Variants in SEMA6D observed in about 807,000 individuals in gnomAD.
SEMA6D encodes the protein semaphorin 6D, also known as semaphorin-6D.
A neutral mutation model predicts 106.6 loss-of-function variants in SEMA6D; 35 were observed. The ratio of observed to expected loss-of-function variants is 0.33; its 90% CI spans 0.25 to 0.44. SEMA6D has a LOEUF of 0.44. Ranked by LOEUF, SEMA6D falls within the 20% of genes least tolerant of loss-of-function variation. The pLI is 1.00. For synonymous variants in SEMA6D, 499 were observed against 487.7 expected (o/e 1.02, Z -0.31); for missense variants, 1,185 against 1,345.9 (o/e 0.88, Z 1.87).
intron 2 of SEMA6D, among the ~76,000 whole-genome samples, chr15:47,434,842 T>C (rs1323350485): frequency 6.6e-6 from 1 of 152,116 alleles, no homozygotes; most frequent in Non-Finnish European, 1.5e-5. Flanking sequence ...ATCAGTGCGT[T>C]CTTTGTAAGA....
chr15:47,548,611 C>T (rs768299600), intron 3 of SEMA6D, among the ~76,000 whole-genome samples: 23 of 152,012 alleles, frequency 1.5e-4, no homozygotes, highest in Admixed American at 5.3e-4. Context: ...ACATTGTGCT[C>T]CATAAAAAAA....
chr15:47,408,846 G>T (rs2040686883), intron 1 of SEMA6D, among the ~76,000 whole-genome samples: 1 of 152,196 alleles, frequency 6.6e-6, no homozygotes, highest in Non-Finnish European at 1.5e-5. Flanking sequence ...CTGTCTTGGG[G>T]AGTAGGTGCT....
chr15:47,263,675 T>G (rs2034182509), intron 1 of SEMA6D, among the ~76,000 whole-genome samples: 1 of 151,848 alleles, frequency 6.6e-6, no homozygotes. Flanking sequence ...CCCGAAGACT[T>G]AATGGTTGAC....
At chr15:47,346,328 G>C (rs1473511134) in intron 1 of SEMA6D, among the ~76,000 whole-genome samples, 1 of 152,122 alleles carries the variant, frequency 6.6e-6, no homozygotes, top group Non-Finnish European at 1.5e-5. Context: ...GGAGACCAAG[G>C]GTTTTTGGCT....
At chr15:47,457,012 G>T (rs1170146083) in intron 2 of SEMA6D, among the ~76,000 whole-genome samples, 1 of 151,942 alleles carries the variant, frequency 6.6e-6, no homozygotes, top group East Asian at 1.9e-4. Flanking sequence ...GGGTGAAACA[G>T]TCTCAAGAGA....
intron 1 of SEMA6D, among the ~76,000 whole-genome samples, chr15:47,752,810 A>G (rs141193685): frequency 7.9e-5 from 12 of 152,062 alleles, no homozygotes; most frequent in African/African-American, 2.9e-4. Context: ...GGAGTTTGAG[A>G]CCAGCCTGGC....
intron 1 of SEMA6D, among the ~76,000 whole-genome samples, chr15:47,364,842 C>A (rs144580886): frequency 0.017 from 2,515 of 151,886 alleles, 63 homozygotes; most frequent in African/African-American, 0.058. Flanking sequence ...GGTCTGTGTG[C>A]TCTGAGCTGT....
intron 4 of SEMA6D, among the ~76,000 whole-genome samples, chr15:47,626,724 CTT>C (rs544686304): frequency 3.8e-4 from 58 of 152,130 alleles, no homozygotes; most frequent in African/African-American, 1.4e-3. Flanking sequence ...ATTCTGTACT[CTT>C]TTAATTTTGA....
chr15:47,551,619 T>C (rs2045690573), intron 3 of SEMA6D, among the ~76,000 whole-genome samples: 1 of 150,322 alleles, frequency 6.7e-6, no homozygotes, highest in Non-Finnish European at 1.5e-5. Context: ...ACAGGGCAAA[T>C]ACTTGACTGA....
chr15:47,210,129 C>A (rs949840100), intron 1 of SEMA6D, among the ~76,000 whole-genome samples: 4 of 152,144 alleles, frequency 2.6e-5, no homozygotes, highest in Non-Finnish European at 5.9e-5. Context: ...ATATGTTTAA[C>A]TGATTAAATC....
intron 1 of SEMA6D, among the ~76,000 whole-genome samples, chr15:47,294,767 A>G (rs983240438): frequency 6.6e-6 from 1 of 152,158 alleles, no homozygotes; most frequent in African/African-American, 2.4e-5. Context: ...TCCCCTACCT[A>G]TAATTGAAAG....
intron 1 of SEMA6D, among the ~76,000 whole-genome samples, chr15:47,243,327 A>G (rs2033023150): frequency 6.6e-6 from 1 of 152,064 alleles, no homozygotes; most frequent in African/African-American, 2.4e-5. Flanking sequence ...GTCCCAATAT[A>G]ACTTCTTACA....
intron 3 of SEMA6D, among the ~76,000 whole-genome samples, chr15:47,491,438 C>A (rs2043472919): frequency 6.6e-6 from 1 of 151,420 alleles, no homozygotes; most frequent in Non-Finnish European, 1.5e-5. Context: ...TCACAAAGTT[C>A]AAAAATAGGC....
intron 3 of SEMA6D, among the ~76,000 whole-genome samples, chr15:47,582,159 C>T (rs1199049950): frequency 6.6e-6 from 1 of 152,158 alleles, no homozygotes; most frequent in Non-Finnish European, 1.5e-5. Flanking sequence ...TGTAAGACAG[C>T]CAGTCTTGCT....
intron 1 of SEMA6D, among the ~76,000 whole-genome samples, chr15:47,744,369 T>G (rs1160255636): frequency 6.6e-6 from 1 of 151,992 alleles, no homozygotes; most frequent in Non-Finnish European, 1.5e-5. Context: ...CAAAGCACAT[T>G]GGGAATGCAG....
At chr15:47,345,478 G>T (rs905827972) in intron 1 of SEMA6D, among the ~76,000 whole-genome samples, 1 of 151,768 alleles carries the variant, frequency 6.6e-6, no homozygotes, top group South Asian at 2.1e-4. Flanking sequence ...TTCAACAAAT[G>T]GTGCTGGAAT....
Position 47,450,029 on chromosome 15 carries a change from T to G in SEMA6D, c.-158-20445T>G, listed in dbSNP as rs566635361. ...GTTATTTTAAGAAGCGGCTGACCTTTTGTACATAGGGGATAGTTGGGCACC... is the reference window on the plus strand; with the variant it reads ...GTTATTTTAAGAAGCGGCTGACCTTGTGTACATAGGGGATAGTTGGGCACC... On this transcript the variant is annotated intron_variant, in intron 2 of 19. Coordinates refer to the SEMA6D transcript ENST00000558014. 2.7e-4 allele frequency among the ~76,000 whole-genome samples: 41 copies of G among 152,212 alleles called. No individual in the cohort carries two copies. The South Asian group carries it at 8.5e-3, about 32-fold the overall frequency.
At chr15:47,766,954 CT>C in intron 16 of SEMA6D, 82 bp from the exon 17 acceptor site, 1 of 665,962 alleles carries the variant, frequency 1.5e-6, no homozygotes, top group South Asian at 2.4e-5. Flanking sequence ...TTTTTTTTTA[CT>C]TTTTTAGTTA....
chr15:47,765,432 T>C, intron 13 of SEMA6D: 1 of 1,012,562 alleles, frequency 9.9e-7, no homozygotes, highest in Admixed American at 5.5e-5. Flanking sequence ...CAGTACTAGT[T>C]AAGTATTTCC....
Sources: allele counts gnomAD v4.1 joint callset (sites outside exome capture counted in the v4.1 genomes callset), GRCh38; gene constraint gnomAD v4.1.1; transcripts MANE v1.5; gene names NCBI Gene and HGNC (gene_info 2026-07-23, HGNC 2026-07-21).